SLC44A5: variants seen among roughly 807,000 people sequenced by gnomAD.
SLC44A5 encodes the protein solute carrier family 44 member 5, also known as choline transporter-like protein 5.
In SLC44A5, 57 loss-of-function variants were observed where a neutral mutation model predicts 101.8. That is an observed-to-expected ratio of 0.56 (90% CI 0.45 to 0.70). The LOEUF is 0.70. SLC44A5 is among the 30% of genes least tolerant of loss of function. The probability of loss-of-function intolerance (pLI) is 0.00; values close to 1 mark genes in which losing one functional copy is unlikely to be tolerated. For missense variants in SLC44A5, 737 were observed against 853.1 expected (o/e 0.86, Z 1.70); for synonymous variants, 281 against 290.9 (o/e 0.97, Z 0.35).
intron 3 of SLC44A5, among the ~76,000 whole-genome samples, chr1:75,366,717 A>C (rs527819829): frequency 1.3e-5 from 2 of 151,394 alleles, no homozygotes; most frequent in Non-Finnish European, 2.9e-5. Context: ...ACTCTTTTTC[A>C]TTCTTTTTTC....
chr1:75,285,366 T>TTCTC (rs1652954314), intron 5 of SLC44A5, among the ~76,000 whole-genome samples: 1 of 152,092 alleles, frequency 6.6e-6, no homozygotes, highest in South Asian at 2.1e-4. Flanking sequence ...TAATTGGATC[T>TTCTC]TCTCTCTTCT....
rs750465696 is a variant in SLC44A5 at position 75,203,718 on chromosome 1, T to C, written c.*9A>G. The C allele has an allele frequency of 1.1e-5, 17 of 1,546,794 alleles. 1 individual carries two copies. In the South Asian group the frequency reaches 2.0e-4, roughly 19 times the overall value. On this transcript the variant is annotated 3_prime_UTR_variant, in exon 24 of 24. Transcript: ENST00000370859. ...TAACACACAGCTGTAGGACGACCAG[T>C]TTGCTCTTCTACTGCTTCCTAGTTT...
chr1:75,415,265 T>A (rs1663562922), intron 2 of SLC44A5, among the ~76,000 whole-genome samples: 1 of 152,154 alleles, frequency 6.6e-6, no homozygotes, highest in African/African-American at 2.4e-5. Context: ...TGGGGACAGG[T>A]CTTTCCTATG....
At chr1:75,470,754 G>C (rs1207911178) in intron 2 of SLC44A5, among the ~76,000 whole-genome samples, 6 of 145,860 alleles carry the variant, frequency 4.1e-5, no homozygotes, top group African/African-American at 1.5e-4. Context: ...GAAAAACTGA[G>C]ATAAGTATGG....
intron 1 of SLC44A5, among the ~76,000 whole-genome samples, chr1:75,543,271 C>T (rs1449759492): frequency 6.6e-6 from 1 of 151,796 alleles, no homozygotes; most frequent in Non-Finnish European, 1.5e-5. Context: ...CTTAAAAGTC[C>T]CAAGGCACCC....
At chr1:75,502,580 T>A (rs906359123) in intron 2 of SLC44A5, among the ~76,000 whole-genome samples, 1 of 152,106 alleles carries the variant, frequency 6.6e-6, no homozygotes, top group Non-Finnish European at 1.5e-5. Flanking sequence ...ATACTTTAAG[T>A]TCTAGGGTAC....
At position 75,251,400 on chromosome 1, in the gene SLC44A5, A is replaced by G. The variant is rs908097842; in HGVS notation, c.261-106T>C. 11 of 829,832 alleles carry G rather than the reference A, an allele frequency of 1.3e-5. No homozygotes were observed. The African/African-American group carries it at 1.9e-4, about 14-fold the overall frequency. The allele number at this position is 829,832 out of a possible 1,614,324, so 51.4% of individuals were successfully genotyped here. On this transcript the variant is annotated intron_variant, in intron 6 of 23. Transcript: ENST00000370859. ...ATAACCTTTAAAAATTGGTTTCATT[A>G]TCTACAGAGGCTGAAATATATTCTC...
At chr1:75,277,751 G>C (rs879578785) in intron 5 of SLC44A5, among the ~76,000 whole-genome samples, 12 of 151,976 alleles carry the variant, frequency 7.9e-5, no homozygotes, top group Non-Finnish European at 1.6e-4. Flanking sequence ...AGATGAAGAT[G>C]GAAGTGTCAA....
At chr1:75,403,555 A>C (rs1316888544) in intron 2 of SLC44A5, among the ~76,000 whole-genome samples, 1 of 152,198 alleles carries the variant, frequency 6.6e-6, no homozygotes, top group African/African-American at 2.4e-5. Flanking sequence ...CCAGGAAAAC[A>C]GGGTCTGGAG....
In SLC44A5 at chr1:75,571,162, T is replaced by C. The variant is rs370856369; in HGVS notation, c.-69-29646A>G. Reference sequence around the variant, plus strand: ...ATATTCTCAGAGACATTCCCAAAAATGTTGACTCTGCAAACAGGAAAAATA... The same window carrying C: ...ATATTCTCAGAGACATTCCCAAAAACGTTGACTCTGCAAACAGGAAAAATA... On this transcript the variant is annotated intron_variant, in intron 1 of 23. Coordinates refer to ENST00000370859, the MANE Select transcript of SLC44A5 (RefSeq NM_001130058.2). Among the ~76,000 whole-genome samples, 123 of 152,246 alleles carry C rather than the reference T, an allele frequency of 8.1e-4. 1 individual carries two copies. The highest frequency in any genetic ancestry group is 2.4e-3 in the African/African-American group (100 of 41,554).
At chr1:75,524,614 T>A (rs1670317614) in intron 2 of SLC44A5, among the ~76,000 whole-genome samples, 1 of 152,180 alleles carries the variant, frequency 6.6e-6, no homozygotes, top group Non-Finnish European at 1.5e-5. Flanking sequence ...TATCAGGATT[T>A]CTCTGGGCAA....
chr1:75,690,190 G>T, the SLC44A5 span, among the ~76,000 whole-genome samples: 1 of 152,146 alleles, frequency 6.6e-6, no homozygotes, highest in African/African-American at 2.4e-5. Context: ...CTGCATGACT[G>T]GTGAGGCCTC....
chr1:75,317,556 C>T (rs747050557), intron 4 of SLC44A5, among the ~76,000 whole-genome samples: 2 of 152,152 alleles, frequency 1.3e-5, no homozygotes, highest in African/African-American at 4.8e-5. Flanking sequence ...TTTAAAAGCA[C>T]TATTCTGGTG....
At chr1:75,569,431 A>G (rs569651651) in intron 1 of SLC44A5, among the ~76,000 whole-genome samples, 1 of 151,948 alleles carries the variant, frequency 6.6e-6, no homozygotes, top group African/African-American at 2.4e-5. Flanking sequence ...TTGTAGAGAC[A>G]AGATTTCACC....
chr1:75,311,982 A>G (rs1240066085), intron 4 of SLC44A5, among the ~76,000 whole-genome samples: 3 of 152,138 alleles, frequency 2.0e-5, no homozygotes, highest in African/African-American at 7.2e-5. Flanking sequence ...CCCCAACCCA[A>G]ACTTCATCTT....
chr1:75,682,700 G>C, the SLC44A5 span, among the ~76,000 whole-genome samples: 1 of 151,104 alleles, frequency 6.6e-6, no homozygotes. Flanking sequence ...CATGGGCAAG[G>C]ACTTCATGTC....
chr1:75,433,178 C>T (rs182188730), intron 2 of SLC44A5, among the ~76,000 whole-genome samples: 3 of 152,096 alleles, frequency 2.0e-5, no homozygotes, highest in African/African-American at 7.2e-5. Context: ...AAATGAGAAG[C>T]AAATGCTCAA....
At chr1:75,427,244 C>CA (rs905046893) in intron 2 of SLC44A5, among the ~76,000 whole-genome samples, 1 of 152,214 alleles carries the variant, frequency 6.6e-6, no homozygotes, top group Non-Finnish European at 1.5e-5. Flanking sequence ...AACAGCCCTA[C>CA]ATGCTACCTT....
intron 7 of SLC44A5, among the ~76,000 whole-genome samples, chr1:75,249,587 A>T (rs1649394632): frequency 6.6e-6 from 1 of 152,146 alleles, no homozygotes; most frequent in African/African-American, 2.4e-5. Context: ...CAGGTGAAAT[A>T]AAAGACTGTT....
Sources: gnomAD v4.1 joint callset for allele counts (sites outside exome capture counted in the v4.1 genomes callset) on GRCh38, gnomAD v4.1.1 for gene constraint, MANE v1.5 for transcripts, NCBI Gene and HGNC (gene_info 2026-07-23, HGNC 2026-07-21) for gene names.